TMCC1: variants seen among roughly 807,000 people sequenced by gnomAD.
TMCC1 encodes the protein transmembrane and coiled-coil domains protein 1.
TMCC1 carries 15 observed loss-of-function variants against 52.4 expected under a neutral mutation model. The observed-to-expected ratio is 0.29, with a 90% CI of 0.19 to 0.44. The LOEUF is 0.44. TMCC1 is among the 20% of genes least tolerant of loss of function. TMCC1 has a pLI of 1.00. For synonymous variants in TMCC1, 279 were observed against 301.9 expected, an observed-to-expected ratio of 0.92 and a Z score of 0.79; for missense variants, 503 against 806.0, an observed-to-expected ratio of 0.62 and a Z score of 4.55.
chr3:129,731,635 AT>A (rs61141159), intron 4 of TMCC1, among the ~76,000 whole-genome samples: 2,306 of 145,254 alleles, frequency 0.016, 37 homozygotes, highest in African/African-American at 0.047. Context: ...GAACTTCATC[AT>A]TTTTTTTTTT....
chr3:129,694,872 C>G (rs188923315), intron 4 of TMCC1, among the ~76,000 whole-genome samples: 7 of 151,912 alleles, frequency 4.6e-5, no homozygotes, highest in Admixed American at 1.3e-4. Context: ...TCTATGGACT[C>G]GCCCTGAATT....
chr3:129,812,589 A>G (rs1228979481), intron 4 of TMCC1, among the ~76,000 whole-genome samples: 1 of 152,008 alleles, frequency 6.6e-6, no homozygotes, highest in Non-Finnish European at 1.5e-5. Flanking sequence ...CACAAAACAA[A>G]TACCCGACCT....
rs551881232 is a variant in TMCC1, at chr3:129,685,723, C to T, written c.577-14459G>A. On this transcript the variant is annotated intron_variant, in intron 4 of 6. Coordinates refer to ENST00000393238, the MANE Select transcript of TMCC1 (RefSeq NM_001017395.5). ...AGGTTTCCCAATGATAAGAGCAGTACGATCTCCTTTGGGATTTAGACTTAT... is the reference window on the plus strand; with the variant it reads ...AGGTTTCCCAATGATAAGAGCAGTATGATCTCCTTTGGGATTTAGACTTAT... 4.3e-4 allele frequency among the ~76,000 whole-genome samples: 66 copies of T among 152,282 alleles called. No individual in the cohort carries two copies. The South Asian group carries it at 8.1e-3, about 19-fold the overall frequency.
intron 4 of TMCC1, among the ~76,000 whole-genome samples, chr3:129,732,966 G>A (rs1352020174): frequency 2.0e-5 from 3 of 152,156 alleles, no homozygotes; most frequent in Admixed American, 2.0e-4. Context: ...TCCACTTAGG[G>A]GTTTTAGGCT....
rs1204288125 is a variant in TMCC1, at chr3:129,763,562, A to AT, written c.576+64240_576+64241insA. Among the ~76,000 whole-genome samples the AT allele has an allele frequency of 2.8e-5, 4 of 144,230 alleles. No homozygotes were observed. In the Admixed American group the frequency reaches 2.8e-4, roughly 10 times the overall value. The allele number at this position is 144,230 out of a possible 152,430, so 94.6% of individuals were successfully genotyped here. ...TGTCTCAAAAAAAAAAAAAAAAAAAAAAAAAGAAAAAGAAAAAATTATACT... is the reference window on the plus strand; with the variant it reads ...TGTCTCAAAAAAAAAAAAAAAAAAAATAAAAAGAAAAAGAAAAAATTATACT... On this transcript the variant is annotated intron_variant, in intron 4 of 6. Coordinates refer to ENST00000393238, the MANE Select transcript of TMCC1 (RefSeq NM_001017395.5).
At chr3:129,761,592 C>T (rs2053601413) in intron 4 of TMCC1, among the ~76,000 whole-genome samples, 1 of 152,086 alleles carries the variant, frequency 6.6e-6, no homozygotes, top group South Asian at 2.1e-4. Context: ...CCCTAATGTA[C>T]CTTGAGGACT....
At chr3:129,753,799 T>C (rs2052745310) in intron 4 of TMCC1, among the ~76,000 whole-genome samples, 1 of 152,170 alleles carries the variant, frequency 6.6e-6, no homozygotes, top group South Asian at 2.1e-4. Flanking sequence ...AGTAAGGATA[T>C]ATTTTCTCAC....
In TMCC1 at chr3:129,670,765, TG is replaced by T; in HGVS notation, c.1075del (p.His359IlefsTer7). On this transcript the variant is annotated frameshift_variant, in exon 5 of 7. Coordinates refer to ENST00000393238, the MANE Select transcript of TMCC1 (RefSeq NM_001017395.5). LOFTEE classifies it high-confidence loss of function. ...TGAGACTACAGCGCCTGCTGCTGAA[TG>T]GGTGGCCTGGGAGAAGCTGGAAAAC... Reference protein sequence around the residue: ...GGFSSFSQATHSAAGAVVSKP... With the variant: ...GGFSSFSQATXSAAGAVVSKP... The T allele has an allele frequency of 6.2e-7, 1 of 1,614,164 alleles. No homozygotes were observed. Among genetic ancestry groups the T allele is most frequent in the Non-Finnish European group, 8.5e-7 (1 of 1,180,030 alleles).
chr3:129,842,402 G>A (rs2059458190), intron 2 of TMCC1, among the ~76,000 whole-genome samples: 1 of 152,022 alleles, frequency 6.6e-6, no homozygotes, highest in African/African-American at 2.4e-5. Flanking sequence ...GGAGGTAGAA[G>A]TTGCAGTGAG....
rs115153456 is a variant in TMCC1 at position 129,877,989 on chromosome 3, G to A, written c.-184+2320C>T. On this transcript the variant is annotated intron_variant, in intron 2 of 6. Transcript: ENST00000393238. ...TATTTTTTTTTTGAGACAGAGTTTC[G>A]CTCTTTTAGCCCAGGCTGGAGTATA... Among the ~76,000 whole-genome samples the A allele has an allele frequency of 5.0e-3, 687 of 137,112 alleles. 7 individuals are homozygous for A. The highest frequency in any genetic ancestry group is 0.018 in the African/African-American group (653 of 36,422). The allele number at this position is 137,112 out of a possible 152,430, so 90.0% of individuals were successfully genotyped here.
At chr3:129,794,322 A>T (rs1490515778) in intron 4 of TMCC1, 1 of 456,036 alleles carries the variant, frequency 2.2e-6, no homozygotes, top group Non-Finnish European at 4.4e-6. Flanking sequence ...CTACCAACCC[A>T]CCTTGGATAG....
chr3:129,859,804 T>C (rs565692728), intron 2 of TMCC1, among the ~76,000 whole-genome samples: 2 of 152,294 alleles, frequency 1.3e-5, no homozygotes, highest in African/African-American at 2.4e-5. Flanking sequence ...TCTAGGACTC[T>C]GCTCAATTTA....
intron 4 of TMCC1, among the ~76,000 whole-genome samples, chr3:129,821,041 A>C (rs1576983319): frequency 6.6e-6 from 1 of 152,306 alleles, no homozygotes; most frequent in Middle Eastern, 3.4e-3. Context: ...TTCAATTTTA[A>C]CTAAGACCAA....
intron 4 of TMCC1, among the ~76,000 whole-genome samples, chr3:129,734,577 T>C (rs1465125552): frequency 6.6e-6 from 1 of 151,946 alleles, no homozygotes; most frequent in African/African-American, 2.4e-5. Context: ...CCCAGCTACT[T>C]GAGGCTGAGG....
At chr3:129,738,154 C>A (rs904310003) in intron 4 of TMCC1, among the ~76,000 whole-genome samples, 2 of 151,650 alleles carry the variant, frequency 1.3e-5, no homozygotes, top group Non-Finnish European at 2.9e-5. Flanking sequence ...ACCTGTAACC[C>A]CAGCTACTCA....
chr3:129,729,463 A>C (rs907541482), intron 4 of TMCC1, among the ~76,000 whole-genome samples: 1 of 152,200 alleles, frequency 6.6e-6, no homozygotes, highest in Non-Finnish European at 1.5e-5. Context: ...TAAAAATAAA[A>C]CTATTGAGCT....
intron 2 of TMCC1, among the ~76,000 whole-genome samples, chr3:129,871,084 C>G (rs953927589): frequency 6.6e-6 from 1 of 151,880 alleles, no homozygotes; most frequent in Non-Finnish European, 1.5e-5. Context: ...CTTGCCTGGG[C>G]GCGGTGGCTC....
intron 2 of TMCC1, among the ~76,000 whole-genome samples, chr3:129,872,137 C>A (rs1001051451): frequency 6.6e-6 from 1 of 152,226 alleles, no homozygotes; most frequent in African/African-American, 2.4e-5. Flanking sequence ...AAAGTGCTAG[C>A]CACAGTTGTT....
chr3:129,751,426 A>T (rs866763648), intron 4 of TMCC1, among the ~76,000 whole-genome samples: 1 of 151,802 alleles, frequency 6.6e-6, no homozygotes, highest in African/African-American at 2.4e-5. Flanking sequence ...GCTACTTGGG[A>T]GGCTGAGATG....
Sources: gnomAD v4.1 joint callset for allele counts (sites outside exome capture counted in the v4.1 genomes callset) on GRCh38, gnomAD v4.1.1 for gene constraint, MANE v1.5 for transcripts, NCBI Gene and HGNC (gene_info 2026-07-23, HGNC 2026-07-21) for gene names.